The following CYP2J2 variants were observed in gnomAD, a reference collection of about 807,000 sequenced individuals.
The protein encoded by CYP2J2 is cytochrome P450 family 2 subfamily J member 2, also known as cytochrome P450 2J2.
In CYP2J2, 41 loss-of-function variants were observed where a neutral mutation model predicts 48.8. The observed-to-expected ratio is 0.84, with a 90% CI of 0.66 to 1.09. The LOEUF (loss-of-function observed/expected upper bound fraction) is 1.09. CYP2J2 is among the 50% of genes least tolerant of loss of function. CYP2J2 has a pLI of 0.00. For synonymous variants in CYP2J2, 221 were observed against 227.1 expected (o/e 0.97, Z 0.24); for missense variants, 644 against 617.3 (o/e 1.04, Z -0.46).
Position 59,916,180 on chromosome 1 carries a change from G to T in CYP2J2, c.211-80C>A, listed in dbSNP as rs901012867. On this transcript the variant is annotated intron_variant, in intron 1 of 8. Transcript: ENST00000371204. The stretch of plus-strand genomic sequence containing the variant: ...AATGGAGGATGTGTGTAGCTGGAGG[G>T]GATCATATTGAGAGGAGTGCGTGTG... The T allele has an allele frequency of 3.2e-6, 4 of 1,244,958 alleles. No individual in the cohort carries two copies. The African/African-American group carries it at 4.5e-5, about 14-fold the overall frequency. The allele number at this position is 1,244,958 out of a possible 1,614,324, so 77.1% of individuals were successfully genotyped here.
At position 59,893,650 on chromosome 1, in the gene CYP2J2, A is replaced by G; in HGVS notation, c.*1T>C. ...CCTTGCCCCTTTCTTTCTTAACAAT[A>G]TTACACCTGAGGAACAGCGCAGAGG... On this transcript the variant is annotated 3_prime_UTR_variant, in exon 9 of 9. Coordinates refer to ENST00000371204, the MANE Select transcript of CYP2J2 (RefSeq NM_000775.4). 6.3e-7 allele frequency: 1 copy of G among 1,595,738 alleles called. No homozygotes were observed. The highest frequency in any genetic ancestry group is 8.5e-7 in the Non-Finnish European group (1 of 1,171,886).
In CYP2J2 at chr1:59,893,789, C is replaced by T. The variant is rs757321108; in HGVS notation, c.1371G>A (p.Glu457=). The change falls in exon 9 of 9, where the codon GAG becomes GAA. Residue 457 remains glutamate (E), a synonymous_variant. Transcript: ENST00000371204. The stretch of plus-strand genomic sequence containing the variant: ...TAAGGGAAGTGAAGAAAATAAACAG[C>T]TCAGTCCTGGCCAACTGTTCTCCGA... ...ACLGEQLART[E]LFIFFTSLMQ... 4.3e-6 allele frequency: 7 copies of T among 1,612,884 alleles called. No individual in the cohort carries two copies. The highest frequency in any genetic ancestry group is 1.1e-5 in the South Asian group (1 of 90,598).
intron 7 of CYP2J2, chr1:59,904,486 G>A (rs760327742): frequency 3.7e-5 from 6 of 160,022 alleles, no homozygotes; most frequent in Non-Finnish European, 5.4e-5. Flanking sequence ...ATTTCCCAAA[G>A]TTTGGCAGAT....
the CYP2J2 span, among the ~76,000 whole-genome samples, chr1:59,954,119 T>C: frequency 6.6e-6 from 1 of 152,198 alleles, no homozygotes; most frequent in South Asian, 2.1e-4. Flanking sequence ...CCCATCCTGA[T>C]ATTCACGGAA....
At chr1:59,945,678 T>G in the CYP2J2 span, among the ~76,000 whole-genome samples, 2 of 152,208 alleles carry the variant, frequency 1.3e-5, no homozygotes, top group African/African-American at 2.4e-5. Flanking sequence ...CATTATACAC[T>G]TGAGAATCAG....
Position 59,907,899 on chromosome 1 carries a change from T to C in CYP2J2, c.890A>G (p.His297Arg), listed in dbSNP as rs754057670. The change falls in exon 6 of 9, where the codon CAT becomes CGT. Residue 297 changes from histidine to arginine, a missense_variant. His to Arg is a conservative substitution (Grantham distance 29, BLOSUM62 0). Transcript: ENST00000371204. ...GGTGCTGCAGATGAGGTTTTCTTCA[T>C]GGAAACTTGAAGTAGGATTGCCTGT... Reference protein sequence around the residue: ...KHTGNPTSSFHEENLICSTLD... With the variant: ...KHTGNPTSSFREENLICSTLD... 9 of 1,613,964 alleles carry C rather than the reference T, an allele frequency of 5.6e-6. No homozygotes were observed. Among genetic ancestry groups the C allele is most frequent in the South Asian group, 4.4e-5 (4 of 91,082 alleles).
intron 5 of CYP2J2, among the ~76,000 whole-genome samples, chr1:59,908,548 C>A (rs1644384508): frequency 6.6e-6 from 1 of 152,208 alleles, no homozygotes; most frequent in South Asian, 2.1e-4. Flanking sequence ...TTACCATCAT[C>A]TTCTGGAAAC....
At chr1:59,946,041 G>C in the CYP2J2 span, among the ~76,000 whole-genome samples, 1 of 152,078 alleles carries the variant, frequency 6.6e-6, no homozygotes, top group Non-Finnish European at 1.5e-5. Flanking sequence ...ATGCACAATC[G>C]TGCCAGAGTT....
Position 59,905,041 on chromosome 1 carries a change from T to C in CYP2J2, c.1021A>G (p.Ile341Val). ...TGCCCCTGGCCAATCACTCTGTCAA[T>C]CTCAGCTTGTACTTTTTCTGGTAAA... ...PEIQEKVQAE[I>V]DRVIGQGQQP... Residue 341 changes from isoleucine to valine, a missense_variant, in exon 7 of 9, where the codon ATT becomes GTT. Physicochemically the swap from Ile to Val is conservative, Grantham distance 29. Coordinates refer to ENST00000371204, the MANE Select transcript of CYP2J2 (RefSeq NM_000775.4). 1.2e-6 allele frequency: 2 copies of C among 1,613,314 alleles called. No individual in the cohort carries two copies. Among genetic ancestry groups the C allele is most frequent in the African/African-American group, 1.3e-5 (1 of 74,992 alleles).
chr1:59,932,059 A>C, the CYP2J2 span, among the ~76,000 whole-genome samples: 1 of 152,106 alleles, frequency 6.6e-6, no homozygotes, highest in Non-Finnish European at 1.5e-5. Flanking sequence ...GGTCATCATA[A>C]CTTTTATGTT....
At chr1:59,940,072 C>A in the CYP2J2 span, among the ~76,000 whole-genome samples, 3 of 152,178 alleles carry the variant, frequency 2.0e-5, no homozygotes, top group Non-Finnish European at 4.4e-5. Flanking sequence ...TGCTCTACCC[C>A]CTGCGGCAGA....
At chr1:59,941,600 G>A in the CYP2J2 span, among the ~76,000 whole-genome samples, 1 of 152,146 alleles carries the variant, frequency 6.6e-6, no homozygotes, top group Admixed American at 6.5e-5. Flanking sequence ...AGAAGGCACT[G>A]TTATCATAAG....
At chr1:59,965,739 C>T in the CYP2J2 span, among the ~76,000 whole-genome samples, 3 of 152,114 alleles carry the variant, frequency 2.0e-5, no homozygotes, top group South Asian at 4.1e-4. Flanking sequence ...GCAATCTCTG[C>T]CTCCCAAGTT....
chr1:59,910,019 A>C, intron 4 of CYP2J2, 59 bp from the exon 5 acceptor site: 2 of 1,323,444 alleles, frequency 1.5e-6, no homozygotes, highest in South Asian at 2.6e-5. Flanking sequence ...TTTCTTTTTA[A>C]GACAACAGAA....
chr1:59,893,906 T>C, intron 8 of CYP2J2, 77 bp from the exon 9 acceptor site: 1 of 1,402,736 alleles, frequency 7.1e-7, no homozygotes, highest in Admixed American at 2.3e-5. Flanking sequence ...TCCTCAATCA[T>C]ATCCCCAAAA....
At chr1:59,912,791 G>A (rs1242609484) in intron 2 of CYP2J2, 2 of 155,576 alleles carry the variant, frequency 1.3e-5, no homozygotes, top group African/African-American at 2.4e-5. Context: ...TTAAGACAAT[G>A]CCCATACTCT....
In CYP2J2 at chr1:59,905,718, T is replaced by C. The variant is rs11572288; in HGVS notation, c.1004-660A>G. 1.2e-3 allele frequency among the ~76,000 whole-genome samples: 178 copies of C among 152,316 alleles called. 3 individuals carry two copies. In the East Asian group the frequency reaches 0.012, roughly 11 times the overall value. On this transcript the variant is annotated intron_variant, in intron 6 of 8. Coordinates refer to ENST00000371204, the MANE Select transcript of CYP2J2 (RefSeq NM_000775.4). ...ATTAGTGAGGATAAATCTACCTTCA[T>C]CTTAAGGATGTTTTGACATTCACAT... is the stretch of plus-strand genomic sequence containing the variant.
chr1:59,920,198 C>A (rs2102136083), intron 1 of CYP2J2, among the ~76,000 whole-genome samples: 1 of 151,096 alleles, frequency 6.6e-6, no homozygotes, highest in Admixed American at 6.6e-5. Context: ...AAACCAACAA[C>A]CCCCAAACCA....
chr1:59,941,726 C>T, the CYP2J2 span, among the ~76,000 whole-genome samples: 2 of 151,606 alleles, frequency 1.3e-5, no homozygotes, highest in Non-Finnish European at 2.9e-5. Context: ...GTGCTGGTGT[C>T]TTAGTTTTTA....
Sources: allele counts gnomAD v4.1 joint callset (sites outside exome capture counted in the v4.1 genomes callset), GRCh38; gene constraint gnomAD v4.1.1; transcripts MANE v1.5; gene names NCBI Gene and HGNC (gene_info 2026-07-23, HGNC 2026-07-21).